The following EXOC3 variants were observed in gnomAD, a reference collection of about 807,000 sequenced individuals.
EXOC3 encodes the protein SEC6-like 1.
A neutral mutation model predicts 73.7 loss-of-function variants in EXOC3; 21 were observed. The ratio of observed to expected loss-of-function variants is 0.29; its 90% CI spans 0.20 to 0.41. The LOEUF (loss-of-function observed/expected upper bound fraction) is 0.41, where lower values mean the gene tolerates loss of function less well. EXOC3 is among the 10% of genes least tolerant of loss of function. EXOC3 has a pLI of 1.00. For synonymous variants in EXOC3, 410 were observed against 389.1 expected (o/e 1.05, Z -0.63); for missense variants, 842 against 985.1 (o/e 0.85, Z 1.95).
chr5:461,818 T>C (rs1312823584), intron 7 of EXOC3, 142 bp from the exon 8 acceptor site: 3 of 632,726 alleles, frequency 4.7e-6, no homozygotes, highest in Non-Finnish European at 8.6e-6. Flanking sequence ...CTGGATCGTC[T>C]AAAGATTGTT....
intron 4 of EXOC3, among the ~76,000 whole-genome samples, chr5:456,538 C>T (rs1737819051): frequency 6.6e-6 from 1 of 152,218 alleles, no homozygotes; most frequent in Non-Finnish European, 1.5e-5. Flanking sequence ...CATTTGAGCC[C>T]CAGCACCTCA....
intron 1 of EXOC3, among the ~76,000 whole-genome samples, chr5:444,297 GTTTT>G (rs939605974): frequency 6.6e-6 from 1 of 152,204 alleles, no homozygotes; most frequent in Non-Finnish European, 1.5e-5. Flanking sequence ...TCTGCGGTGC[GTTTT>G]TTAACTCCAG....
At chr5:458,108 C>T (rs1244381021) in intron 6 of EXOC3, 83 bp downstream of exon 6, 8 of 1,407,062 alleles carry the variant, frequency 5.7e-6, no homozygotes. Context: ...ACACAGATAC[C>T]TGGGATCTTC....
At chr5:464,456 G>T in intron 10 of EXOC3, 44 bp downstream of exon 10, 1 of 1,601,152 alleles carries the variant, frequency 6.2e-7, no homozygotes, top group Non-Finnish European at 8.5e-7. Context: ...TGACGCTAGG[G>T]CTCACCTCTC....
At chr5:451,606 A>G (rs1737660188) in intron 3 of EXOC3, among the ~76,000 whole-genome samples, 1 of 152,222 alleles carries the variant, frequency 6.6e-6, no homozygotes, top group African/African-American at 2.4e-5. Context: ...AGTGTTAATG[A>G]TACTAGATTT....
chr5:456,358 T>C (rs1202474946), intron 4 of EXOC3, among the ~76,000 whole-genome samples: 1 of 151,450 alleles, frequency 6.6e-6, no homozygotes, highest in African/African-American at 2.4e-5. Flanking sequence ...TTTCAGTTTG[T>C]GTTTGGTTGA....
At chr5:457,848 C>G (rs200805855) in intron 5 of EXOC3, 52 bp from the exon 6 acceptor site, 3 of 1,569,402 alleles carry the variant, frequency 1.9e-6, no homozygotes, top group Non-Finnish European at 2.6e-6. Flanking sequence ...GCATGACCCT[C>G]AGGCACCTGC....
At chr5:456,114 A>G (rs1737802118) in intron 4 of EXOC3, among the ~76,000 whole-genome samples, 1 of 152,142 alleles carries the variant, frequency 6.6e-6, no homozygotes, top group Admixed American at 6.5e-5. Context: ...CTGCCCCTCC[A>G]TACTCAATGG....
intron 5 of EXOC3, chr5:457,333 G>C: frequency 2.8e-6 from 1 of 359,910 alleles, no homozygotes; most frequent in Non-Finnish European, 5.2e-6. Flanking sequence ...CCCATGGTTG[G>C]GGGGGTCCGT....
intron 6 of EXOC3, among the ~76,000 whole-genome samples, chr5:458,303 T>C (rs149327529): frequency 4.3e-4 from 66 of 152,386 alleles, no homozygotes; most frequent in African/African-American, 1.6e-3. Context: ...TAATTGTATG[T>C]TATTTATGTG....
In EXOC3 at chr5:455,012, GCTCTGTGCAATGGTGGCT is replaced by G. The variant is rs1210876362; in HGVS notation, c.1046+972_1046+989del. Reference sequence around the variant, plus strand: ...CCCTGCAGAGAATGGTCACCGTGACGCTCTGTGCAATGGTGGCTCTCTGTGCAACCGTGGCGCTCTGTG... The same window carrying G: ...CCCTGCAGAGAATGGTCACCGTGACGCTCTGTGCAACCGTGGCGCTCTGTG... On this transcript the variant is annotated intron_variant, in intron 4 of 12. Transcript: ENST00000512944. 7.2e-5 allele frequency among the ~76,000 whole-genome samples: 6 copies of G among 83,236 alleles called. No individual in the cohort carries two copies. The East Asian group carries it at 1.8e-3, about 25-fold the overall frequency. 54.6% of individuals were successfully genotyped at this position (83,236 alleles called of 152,430 possible).
At chr5:443,816 A>G (rs1399821303) in intron 1 of EXOC3, among the ~76,000 whole-genome samples, 2 of 149,140 alleles carry the variant, frequency 1.3e-5, no homozygotes, top group East Asian at 2.0e-4. Flanking sequence ...GTCCCCCCCC[A>G]GGCGCAGTTG....
At chr5:462,721 C>G (rs781637686) in intron 9 of EXOC3, among the ~76,000 whole-genome samples, 2 of 152,180 alleles carry the variant, frequency 1.3e-5, no homozygotes, top group Admixed American at 6.5e-5. Context: ...AAGGCATAAC[C>G]TACCATGAAA....
intron 1 of EXOC3, among the ~76,000 whole-genome samples, chr5:445,343 C>CT (rs1207131595): frequency 9.6e-5 from 5 of 52,042 alleles, no homozygotes; most frequent in East Asian, 2.8e-4. Context: ...ATGACTTTTT[C>CT]TTTTTTTTTC....
At chr5:447,832 C>A in intron 3 of EXOC3, 80 bp downstream of exon 3, 1 of 1,021,650 alleles carries the variant, frequency 9.8e-7, no homozygotes, top group Non-Finnish European at 1.4e-6. Context: ...GTGCAGTGTG[C>A]TTTGCAGCCC....
intron 1 of EXOC3, among the ~76,000 whole-genome samples, chr5:445,935 C>T (rs528212131): frequency 6.6e-6 from 1 of 152,304 alleles, no homozygotes; most frequent in South Asian, 2.1e-4. Context: ...GCCTGTGAAA[C>T]GCCCCTGCTC....
intron 5 of EXOC3, 88 bp downstream of exon 5, chr5:457,094 A>G: frequency 1.1e-6 from 1 of 903,846 alleles, no homozygotes; most frequent in South Asian, 1.4e-5. Context: ...GCAGGGGGGA[A>G]ATGCCTTAGC....
At chr5:465,472 C>T (rs1353666075) in intron 11 of EXOC3, among the ~76,000 whole-genome samples, 200 bp downstream of exon 11, 1 of 152,234 alleles carries the variant, frequency 6.6e-6, no homozygotes, top group Non-Finnish European at 1.5e-5. Flanking sequence ...GCCGGCTTCC[C>T]GAGGCCGCCC....
At chr5:447,451 C>A in intron 2 of EXOC3, 82 bp from the exon 3 acceptor site, 2 of 1,011,170 alleles carry the variant, frequency 2.0e-6, no homozygotes, top group Non-Finnish European at 2.8e-6. Flanking sequence ...CTGAACTTGA[C>A]CCTCCTGGGG....
Sources: gnomAD v4.1 joint callset for allele counts (sites outside exome capture counted in the v4.1 genomes callset) on GRCh38, gnomAD v4.1.1 for gene constraint, MANE v1.5 for transcripts, NCBI Gene and HGNC (gene_info 2026-07-23, HGNC 2026-07-21) for gene names.